The following SYNPR variants were observed in gnomAD, a reference collection of about 807,000 sequenced individuals.
SYNPR encodes synaptoporin.
In SYNPR, 23 loss-of-function variants were observed where a neutral mutation model predicts 32.9. That is an observed-to-expected ratio of 0.70 (90% CI 0.50 to 0.99). The LOEUF is 0.99. SYNPR is among the 50% of genes least tolerant of loss of function. The probability of loss-of-function intolerance (pLI) is 0.00; values close to 1 mark genes in which losing one functional copy is unlikely to be tolerated. For missense variants in SYNPR, 318 were observed against 349.3 expected (o/e 0.91, Z 0.71); for synonymous variants, 146 against 135.9 (o/e 1.07, Z -0.52).
At chr3:63,400,593 C>A (rs2088277716) in intron 2 of SYNPR, among the ~76,000 whole-genome samples, 1 of 152,224 alleles carries the variant, frequency 6.6e-6, no homozygotes, top group Non-Finnish European at 1.5e-5. Flanking sequence ...GAGGAAGCCA[C>A]AGTGCCTTTT....
At chr3:63,570,314 A>T (rs2106845708) in intron 4 of SYNPR, among the ~76,000 whole-genome samples, 1 of 152,250 alleles carries the variant, frequency 6.6e-6, no homozygotes, top group South Asian at 2.1e-4. Flanking sequence ...CCATTCTTCC[A>T]ATCTGTTATT....
chr3:63,227,889 A>G (rs1332538379), upstream of SYNPR, among the ~76,000 whole-genome samples: 2 of 152,194 alleles, frequency 1.3e-5, no homozygotes, highest in Non-Finnish European at 2.9e-5. Context: ...TCGTGCTGTC[A>G]CACACAAGTG....
At position 63,288,543 on chromosome 3, in the gene SYNPR, G is replaced by A. The variant is rs554452919; in HGVS notation, c.84+9801G>A. 4.6e-5 allele frequency among the ~76,000 whole-genome samples: 7 copies of A among 152,206 alleles called. No homozygotes were observed. The South Asian group carries it at 1.5e-3, about 32-fold the overall frequency. On this transcript the variant is annotated intron_variant, in intron 2 of 5. Coordinates refer to ENST00000478300, the MANE Select transcript of SYNPR (RefSeq NM_001130003.2). ...ACACCTTTGGCTCTTCAGCACATGG[G>A]CCTCCACTAGCTTGTGTGATCTTGT...
intron 1 of SYNPR, among the ~76,000 whole-genome samples, chr3:63,240,738 C>T (rs895516028): frequency 1.2e-4 from 19 of 152,244 alleles, no homozygotes; most frequent in Admixed American, 1.2e-3. Context: ...TTGCCAGTTA[C>T]ACGCATACTC....
intron 2 of SYNPR, among the ~76,000 whole-genome samples, chr3:63,381,405 G>T (rs2087967028): frequency 6.6e-6 from 1 of 152,108 alleles, no homozygotes; most frequent in African/African-American, 2.4e-5. Flanking sequence ...AATAAAAGAG[G>T]ACACAAACAA....
chr3:63,453,272 C>G (rs1700413960), intron 2 of SYNPR, among the ~76,000 whole-genome samples: 1 of 152,122 alleles, frequency 6.6e-6, no homozygotes, highest in African/African-American at 2.4e-5. Flanking sequence ...CCTCAGCTCT[C>G]TTCACAGAGG....
intron 1 of SYNPR, among the ~76,000 whole-genome samples, chr3:63,234,445 TACATAGCAGGC>T (rs2086186926): frequency 6.6e-6 from 1 of 152,146 alleles, no homozygotes; most frequent in East Asian, 1.9e-4. Flanking sequence ...GGTTTATAAC[TACATAGCAGGC>T]ACACCAACCC....
chr3:63,452,099 T>G (rs1167703881), intron 2 of SYNPR: 1 of 702,288 alleles, frequency 1.4e-6, no homozygotes. Flanking sequence ...GTTTTTTCTC[T>G]GGATCTCTTC....
intron 3 of SYNPR, chr3:63,550,161 TC>T (rs1275466234): frequency 6.6e-6 from 1 of 151,440 alleles, no homozygotes; most frequent in Admixed American, 6.6e-5. Context: ...CTATACACTT[TC>T]CCCCCAAAAT....
At chr3:63,264,932 A>G (rs978375584) in intron 2 of SYNPR, among the ~76,000 whole-genome samples, 29 of 134,154 alleles carry the variant, frequency 2.2e-4, no homozygotes, top group African/African-American at 5.1e-4. Context: ...ATCATGGGGG[A>G]GCCATGATTC....
intron 3 of SYNPR, among the ~76,000 whole-genome samples, chr3:63,552,180 G>GA (rs747237727): frequency 5.2e-4 from 79 of 152,084 alleles, no homozygotes; most frequent in Non-Finnish European, 7.2e-4. Flanking sequence ...TTACAGGCAT[G>GA]AGCCACCGCA....
upstream of SYNPR, among the ~76,000 whole-genome samples, chr3:63,274,424 A>G (rs920600885): frequency 1.3e-5 from 2 of 152,234 alleles, no homozygotes; most frequent in African/African-American, 4.8e-5. Flanking sequence ...TGAGAACAAG[A>G]TTTAATTTGC....
chr3:63,431,974 G>C (rs1489745162), intron 2 of SYNPR, among the ~76,000 whole-genome samples: 2 of 152,092 alleles, frequency 1.3e-5, no homozygotes, highest in Non-Finnish European at 2.9e-5. Flanking sequence ...CTGTAGGCCA[G>C]TTCTCTCTAA....
At chr3:63,586,548 T>A (rs1703188072) in intron 4 of SYNPR, among the ~76,000 whole-genome samples, 1 of 151,930 alleles carries the variant, frequency 6.6e-6, no homozygotes, top group Admixed American at 6.6e-5. Context: ...GTTTCTTGTA[T>A]CCTTGAGGGA....
chr3:63,363,715 T>C (rs987363463), intron 2 of SYNPR, among the ~76,000 whole-genome samples: 1 of 152,172 alleles, frequency 6.6e-6, no homozygotes, highest in Non-Finnish European at 1.5e-5. Context: ...GGTAATTTAT[T>C]TGGTTATTCA....
chr3:63,544,837 T>C (rs2106810421), intron 3 of SYNPR, among the ~76,000 whole-genome samples: 1 of 152,098 alleles, frequency 6.6e-6, no homozygotes, highest in African/African-American at 2.4e-5. Context: ...TCACGCACCA[T>C]GACAAGTACA....
intron 2 of SYNPR, among the ~76,000 whole-genome samples, chr3:63,467,707 T>G (rs1700710439): frequency 6.6e-6 from 1 of 152,216 alleles, no homozygotes; most frequent in Non-Finnish European, 1.5e-5. Flanking sequence ...TGCTTAAACC[T>G]GCTCATCTGG....
At chr3:63,505,853 A>G (rs1701576945) in intron 3 of SYNPR, among the ~76,000 whole-genome samples, 1 of 152,108 alleles carries the variant, frequency 6.6e-6, no homozygotes, top group South Asian at 2.1e-4. Flanking sequence ...CAGCTAGATG[A>G]GTTCAATCAA....
At chr3:63,529,898 C>T (rs1466635833) in intron 3 of SYNPR, among the ~76,000 whole-genome samples, 1 of 152,088 alleles carries the variant, frequency 6.6e-6, no homozygotes, top group Admixed American at 6.5e-5. Flanking sequence ...GTCACTCATC[C>T]ACCATTAGTT....
Sources: allele counts gnomAD v4.1 joint callset (sites outside exome capture counted in the v4.1 genomes callset), GRCh38; gene constraint gnomAD v4.1.1; transcripts MANE v1.5; gene names NCBI Gene and HGNC (gene_info 2026-07-23, HGNC 2026-07-21).